The following KANSL1 variants were observed in gnomAD, a reference collection of about 807,000 sequenced individuals.
KANSL1 encodes KAT8 regulatory NSL complex subunit 1.
In KANSL1, 22 loss-of-function variants were observed where a neutral mutation model predicts 103.6. The ratio of observed to expected loss-of-function variants is 0.21; its 90% CI spans 0.15 to 0.30. KANSL1 has a LOEUF of 0.30. Ranked by LOEUF, KANSL1 falls within the 10% of genes least tolerant of loss-of-function variation. KANSL1 has a pLI of 1.00. For missense variants in KANSL1, 1,337 were observed against 1,399.8 expected (o/e 0.96, Z 0.72); for synonymous variants, 600 against 527.6 (o/e 1.14, Z -1.88).
intron 1 of KANSL1, among the ~76,000 whole-genome samples, chr17:46,177,204 T>C (rs1301701008): frequency 1.3e-5 from 2 of 152,222 alleles, no homozygotes; most frequent in East Asian, 3.9e-4. Flanking sequence ...GATGATGAAA[T>C]AAGATACTTT....
chr17:46,161,830 A>G (rs1371745328), intron 2 of KANSL1, among the ~76,000 whole-genome samples: 2 of 152,174 alleles, frequency 1.3e-5, no homozygotes, highest in Non-Finnish European at 2.9e-5. Context: ...TATAATCTAC[A>G]TGATTACTAC....
At chr17:46,093,665 T>C (rs1295113966) in intron 3 of KANSL1, 3 of 152,642 alleles carry the variant, frequency 2.0e-5, no homozygotes, top group Non-Finnish European at 2.9e-5. Context: ...TAATGGATAC[T>C]GTTCACAGGA....
At chr17:46,148,658 A>T (rs1213211822) in intron 2 of KANSL1, among the ~76,000 whole-genome samples, 1 of 151,142 alleles carries the variant, frequency 6.6e-6, no homozygotes, top group East Asian at 2.0e-4. Context: ...ACAATCTCAG[A>T]TCACTGCAAC....
chr17:46,142,766 AC>A (rs1263988796), intron 2 of KANSL1, among the ~76,000 whole-genome samples: 11 of 152,276 alleles, frequency 7.2e-5, no homozygotes, highest in African/African-American at 2.7e-4. Context: ...GTGTGGTTAA[AC>A]AAAAAACCTG....
At chr17:46,082,370 A>G in intron 4 of KANSL1, 71 bp downstream of exon 4, 4 of 928,360 alleles carry the variant, frequency 4.3e-6, no homozygotes, top group Admixed American at 3.9e-5. Context: ...CTAGTTACAG[A>G]GAAAAAACGG....
chr17:46,130,178 T>C (rs1240581324), intron 2 of KANSL1, among the ~76,000 whole-genome samples: 4 of 87,198 alleles, frequency 4.6e-5, no homozygotes, highest in Non-Finnish European at 2.6e-5. Context: ...AAGAATGAGA[T>C]CCTGTCTCCA....
intron 2 of KANSL1, chr17:46,152,923 C>A (rs1012287331): frequency 6.6e-6 from 1 of 152,232 alleles, no homozygotes; most frequent in East Asian, 1.9e-4. Flanking sequence ...GAAACTCATT[C>A]CATCTATCCC....
chr17:46,207,805 C>T (rs572388566), intron 1 of KANSL1, among the ~76,000 whole-genome samples: 48 of 152,196 alleles, frequency 3.2e-4, no homozygotes, highest in African/African-American at 1.1e-3. Flanking sequence ...TGGTAAAACC[C>T]CATCTCTACA....
upstream of KANSL1, chr17:46,193,650 G>A (rs946688584): frequency 3.8e-5 from 12 of 312,878 alleles, no homozygotes; most frequent in African/African-American, 2.5e-4. Context: ...ATCTGCGGAG[G>A]CCGCGGCGCC....
chr17:46,224,969 G>C (rs1234733358), upstream of KANSL1: 3 of 151,564 alleles, frequency 2.0e-5, no homozygotes, highest in Non-Finnish European at 3.0e-5. Flanking sequence ...GCGTCGGTCC[G>C]TCCCACCTCG....
At chr17:46,166,940 C>A (rs2046031051) in intron 2 of KANSL1, among the ~76,000 whole-genome samples, 1 of 149,234 alleles carries the variant, frequency 6.7e-6, no homozygotes, top group Non-Finnish European at 1.5e-5. Flanking sequence ...TCAGTAATCA[C>A]AATGAAATGT....
intron 1 of KANSL1, among the ~76,000 whole-genome samples, chr17:46,199,997 G>C (rs751435362): frequency 2.0e-5 from 3 of 151,358 alleles, no homozygotes; most frequent in Non-Finnish European, 4.4e-5. Context: ...AGTTTAAGCA[G>C]GATTTTATAC....
chr17:46,121,641 T>C (rs1251988453), intron 2 of KANSL1, among the ~76,000 whole-genome samples: 4 of 152,186 alleles, frequency 2.6e-5, no homozygotes, highest in African/African-American at 7.2e-5. Flanking sequence ...CAACCAAATA[T>C]ATATTCTACT....
chr17:46,094,759 G>A (rs916159511), intron 2 of KANSL1, 58 bp from the exon 3 acceptor site: 21 of 1,595,432 alleles, frequency 1.3e-5, no homozygotes, highest in African/African-American at 8.1e-5. Flanking sequence ...ATACCAGATT[G>A]GGGGGTGGGG....
At chr17:46,204,683 A>AT (rs1260242108) in intron 1 of KANSL1, among the ~76,000 whole-genome samples, 13 of 152,264 alleles carry the variant, frequency 8.5e-5, no homozygotes, top group African/African-American at 2.9e-4. Context: ...TCTTATGAAT[A>AT]CAGATGTAAA....
intron 2 of KANSL1, chr17:46,169,438 G>C (rs1464174575): frequency 6.6e-6 from 1 of 152,200 alleles, no homozygotes; most frequent in Non-Finnish European, 1.5e-5. Flanking sequence ...TATCCATGCA[G>C]ATAATATAAA....
At chr17:46,039,382 G>A (rs1418312875) in intron 8 of KANSL1, 167 bp from the exon 9 acceptor site, 1 of 645,140 alleles carries the variant, frequency 1.6e-6, no homozygotes, top group Non-Finnish European at 2.5e-6. Context: ...GCTAGGATAG[G>A]CACAGGGAGC....
intron 3 of KANSL1, among the ~76,000 whole-genome samples, chr17:46,089,656 A>T (rs1304449039): frequency 2.0e-5 from 3 of 152,092 alleles, no homozygotes; most frequent in Non-Finnish European, 2.9e-5. Context: ...CTTAACCAAA[A>T]CACATAGGAA....
chr17:46,065,872 C>T (rs1393639681), intron 6 of KANSL1, among the ~76,000 whole-genome samples: 1 of 151,926 alleles, frequency 6.6e-6, no homozygotes, highest in East Asian at 1.9e-4. Flanking sequence ...GTGAAGATTC[C>T]TTTTTTTCTC....
Sources: allele counts gnomAD v4.1 joint callset (sites outside exome capture counted in the v4.1 genomes callset), GRCh38; gene constraint gnomAD v4.1.1; transcripts MANE v1.5; gene names NCBI Gene and HGNC (gene_info 2026-07-23, HGNC 2026-07-21).